Variants in PLAG1 observed in about 807,000 individuals in gnomAD.
PLAG1 encodes PLAG1 zinc finger.
Under a neutral mutation model 35.5 loss-of-function variants are expected in PLAG1, and 7 were observed. The ratio of observed to expected loss-of-function variants is 0.20; its 90% CI spans 0.11 to 0.37. The LOEUF (loss-of-function observed/expected upper bound fraction) is 0.37. Among genes scored for constraint, PLAG1 ranks in the 10% least tolerant of loss-of-function variants. The pLI, the probability that PLAG1 is intolerant of heterozygous loss-of-function variation, is 1.00. For missense variants in PLAG1, 454 were observed against 602.8 expected (o/e 0.75, Z 2.58); for synonymous variants, 229 against 225.4 (o/e 1.02, Z -0.14).
At chr8:56,169,854 T>G (rs1022545159) in intron 3 of PLAG1, among the ~76,000 whole-genome samples, 6 of 152,208 alleles carry the variant, frequency 3.9e-5, no homozygotes, top group African/African-American at 1.2e-4. Context: ...TGTGATGTAC[T>G]TTTAAGAGAC....
chr8:56,185,405 G>A (rs531665633), intron 1 of PLAG1, among the ~76,000 whole-genome samples: 40 of 152,070 alleles, frequency 2.6e-4, no homozygotes, highest in African/African-American at 9.6e-4. Context: ...CAATAAAATG[G>A]CAGAGTTTTT....
At chr8:56,179,305 T>C (rs1469143282) in intron 2 of PLAG1, 104 bp downstream of exon 2, 1 of 158,134 alleles carries the variant, frequency 6.3e-6, no homozygotes, top group Non-Finnish European at 1.4e-5. Flanking sequence ...GCTTATTATG[T>C]GGCATGCTTT....
intron 2 of PLAG1, among the ~76,000 whole-genome samples, chr8:56,171,903 A>T (rs1461527093): frequency 1.3e-5 from 2 of 152,180 alleles, no homozygotes; most frequent in African/African-American, 4.8e-5. Flanking sequence ...CAGTAGTATG[A>T]TCATTAGTAG....
intron 1 of PLAG1, among the ~76,000 whole-genome samples, chr8:56,186,643 G>T (rs181904076): frequency 4.6e-5 from 7 of 151,022 alleles, no homozygotes; most frequent in South Asian, 4.2e-4. Context: ...AAAGTGTTGG[G>T]ATTATAGGCG....
At chr8:56,207,598 T>C (rs1812735047) in intron 1 of PLAG1, among the ~76,000 whole-genome samples, 3 of 152,072 alleles carry the variant, frequency 2.0e-5, no homozygotes, top group South Asian at 4.1e-4. Context: ...AAATTCTTTA[T>C]AGAATTTCAA....
intron 1 of PLAG1, among the ~76,000 whole-genome samples, chr8:56,187,943 G>A (rs1163667859): frequency 6.6e-6 from 1 of 152,194 alleles, no homozygotes. Context: ...AAATTGAAAA[G>A]TAACTTGGGT....
chr8:56,171,952 A>G (rs1477563027), intron 2 of PLAG1, among the ~76,000 whole-genome samples: 2 of 152,228 alleles, frequency 1.3e-5, no homozygotes, highest in East Asian at 3.8e-4. Flanking sequence ...TTAATTCTTG[A>G]TCGTACAAGT....
chr8:56,210,110 GTCGGTTGA>G (rs1362334792), intron 1 of PLAG1, among the ~76,000 whole-genome samples: 1 of 151,730 alleles, frequency 6.6e-6, no homozygotes, highest in Non-Finnish European at 1.5e-5. Flanking sequence ...TTTTCTCATT[GTCGGTTGA>G]GTTATAAAAG....
intron 1 of PLAG1, among the ~76,000 whole-genome samples, chr8:56,194,499 C>A (rs763947601): frequency 2.0e-5 from 3 of 152,076 alleles, no homozygotes; most frequent in Non-Finnish European, 4.4e-5. Flanking sequence ...GCAGTGGGTG[C>A]ACTACAGTGG....
chr8:56,181,933 A>C (rs1344524470), intron 1 of PLAG1, among the ~76,000 whole-genome samples: 1 of 152,218 alleles, frequency 6.6e-6, no homozygotes, highest in East Asian at 1.9e-4. Flanking sequence ...AGACAAAGAA[A>C]AAAGTGTGTG....
At chr8:56,168,660 A>C (rs1351748499) in intron 3 of PLAG1, among the ~76,000 whole-genome samples, 1 of 152,210 alleles carries the variant, frequency 6.6e-6, no homozygotes, top group Admixed American at 6.5e-5. Flanking sequence ...TGATTTCAGG[A>C]ACTCTCATGA....
Position 56,165,991 on chromosome 8 carries a change from GA to G in PLAG1, c.*251del, listed in dbSNP as rs57439758. On this transcript the variant is annotated 3_prime_UTR_variant, in exon 5 of 5. Transcript: ENST00000316981. ...CTACTAATAATGGCTTTCCTATATG[GA>G]AAAAAAAAAGTCTTAAAATGTGACA... 0.16 allele frequency: 40,297 copies of G among 253,960 alleles called. 3,876 individuals carry two copies. Among genetic ancestry groups the G allele is most frequent in the East Asian group, 0.42 (7,154 of 16,998 alleles). The allele number at this position is 253,960 out of a possible 1,614,324, so 15.7% of individuals were successfully genotyped here. A position where few individuals can be genotyped will look rare whatever the true frequency, so the allele number is the denominator to read the frequency against.
intron 1 of PLAG1, among the ~76,000 whole-genome samples, chr8:56,197,055 T>A (rs1812398546): frequency 6.6e-6 from 1 of 151,850 alleles, no homozygotes; most frequent in Non-Finnish European, 1.5e-5. Context: ...CTGGCGTGTA[T>A]TTCTGTCTCT....
At position 56,166,075 on chromosome 8, in the gene PLAG1, C is replaced by A. The variant is rs573329399; in HGVS notation, c.*168G>T. ...AAACTTAACTGAACACAAATGGTTC[C>A]AAAGCTCAGTTTAAAAGCTAGTTTC... On this transcript the variant is annotated 3_prime_UTR_variant, in exon 5 of 5. Transcript: ENST00000316981. The A allele has an allele frequency of 1.6e-5, 7 of 431,918 alleles. No individual in the cohort carries two copies. In the South Asian group the frequency reaches 5.0e-4, roughly 31 times the overall value. 26.8% of individuals were successfully genotyped at this position (431,918 alleles called of 1,614,324 possible).
At chr8:56,207,712 AT>A (rs1208217033) in intron 1 of PLAG1, among the ~76,000 whole-genome samples, 1 of 152,088 alleles carries the variant, frequency 6.6e-6, no homozygotes, top group East Asian at 1.9e-4. Flanking sequence ...TCATGACATT[AT>A]TTCTGTATAC....
chr8:56,170,355 G>A (rs1811491388), intron 3 of PLAG1, among the ~76,000 whole-genome samples: 1 of 152,114 alleles, frequency 6.6e-6, no homozygotes, highest in Non-Finnish European at 1.5e-5. Flanking sequence ...CTCTATTTCT[G>A]TTATATTCTC....
chr8:56,168,366 G>T lies in PLAG1; in HGVS notation c.-97C>A. 1 of 1,349,938 alleles carries T rather than the reference G, an allele frequency of 7.4e-7. No individual in the cohort carries two copies. 83.6% of individuals were successfully genotyped at this position (1,349,938 alleles called of 1,614,324 possible). ...GTGGCTTCTCAAGTTTCATGTGGTC[G>T]TAAAAGAAAGCAAAAAGGGACTGGA... On this transcript the variant is annotated 5_prime_UTR_variant, in exon 4 of 5. Coordinates refer to ENST00000316981, the MANE Select transcript of PLAG1 (RefSeq NM_002655.3).
Position 56,167,527 on chromosome 8 carries a change from A to C in PLAG1, c.243-24T>G. On this transcript the variant is annotated intron_variant, in intron 4 of 4. Coordinates refer to ENST00000316981, the MANE Select transcript of PLAG1 (RefSeq NM_002655.3). The surrounding 1 kb of genome is among the most constrained non-coding windows in gnomAD (Gnocchi z 5.9). The stretch of plus-strand genomic sequence containing the variant: ...GCCTTTAAACACAGATATAATCTAT[A>C]AGTAGTTATTATGACAAAAATGGCA... The C allele has an allele frequency of 6.7e-7, 1 of 1,498,924 alleles. No homozygotes were observed. Among genetic ancestry groups the C allele is most frequent in the Non-Finnish European group, 9.1e-7 (1 of 1,095,252 alleles). The allele number at this position is 1,498,924 out of a possible 1,614,324, so 92.9% of individuals were successfully genotyped here. A position where few individuals can be genotyped will look rare whatever the true frequency, so the allele number is the denominator to read the frequency against.
intron 2 of PLAG1, 76 bp from the exon 3 acceptor site, chr8:56,171,265 G>T (rs1811514835): frequency 4.7e-6 from 1 of 212,610 alleles, no homozygotes. Context: ...CAGGATAAAA[G>T]AATTGCAGTT....
Sources: allele counts gnomAD v4.1 joint callset (sites outside exome capture counted in the v4.1 genomes callset), GRCh38; gene constraint gnomAD v4.1.1; non-coding constraint Gnocchi (gnomAD v3.1); transcripts MANE v1.5; gene names NCBI Gene and HGNC (gene_info 2026-07-23, HGNC 2026-07-21).